TACR3: variants seen among roughly 807,000 people sequenced by gnomAD.
TACR3 encodes the protein neuromedin-K receptor.
In TACR3, 34 loss-of-function variants were observed where a neutral mutation model predicts 35.0. The observed-to-expected ratio is 0.97, with a 90% CI of 0.74 to 1.30. The LOEUF (loss-of-function observed/expected upper bound fraction) is 1.30, where lower values mean the gene tolerates loss of function less well. Among genes scored for constraint, TACR3 ranks in the 50% most tolerant of loss-of-function variants. The probability of loss-of-function intolerance (pLI) is 0.00; values close to 1 mark genes in which losing one functional copy is unlikely to be tolerated. For synonymous variants in TACR3, 233 were observed against 221.1 expected, an observed-to-expected ratio of 1.05 and a Z score of -0.48; for missense variants, 558 against 591.7, an observed-to-expected ratio of 0.94 and a Z score of 0.59.
intron 2 of TACR3, among the ~76,000 whole-genome samples, chr4:103,657,097 A>C (rs1394767324): frequency 6.6e-6 from 1 of 152,138 alleles, no homozygotes; most frequent in Non-Finnish European, 1.5e-5. Flanking sequence ...AAAGGAGAGT[A>C]AGCCATACTA....
At chr4:103,673,061 C>A (rs1317448112) in intron 1 of TACR3, among the ~76,000 whole-genome samples, 1 of 152,156 alleles carries the variant, frequency 6.6e-6, no homozygotes, top group East Asian at 1.9e-4. Flanking sequence ...TTGAAAAGAG[C>A]TAGATCCTTG....
intron 3 of TACR3, among the ~76,000 whole-genome samples, chr4:103,645,735 A>G (rs1725444320): frequency 2.0e-5 from 3 of 152,026 alleles, no homozygotes; most frequent in South Asian, 4.1e-4. Flanking sequence ...GCAAATATCC[A>G]TATGAACTAA....
At chr4:103,684,769 G>T (rs555070965) in intron 1 of TACR3, among the ~76,000 whole-genome samples, 1 of 152,134 alleles carries the variant, frequency 6.6e-6, no homozygotes, top group Admixed American at 6.6e-5. Context: ...TTGGGGGGCT[G>T]AGGTGGGAGG....
intron 1 of TACR3, among the ~76,000 whole-genome samples, chr4:103,666,581 T>C (rs1725940779): frequency 6.6e-6 from 1 of 152,204 alleles, no homozygotes; most frequent in Non-Finnish European, 1.5e-5. Flanking sequence ...ATATAACTCA[T>C]TTAATACTAA....
At chr4:103,634,353 G>A (rs1266203253) in intron 3 of TACR3, among the ~76,000 whole-genome samples, 2 of 152,022 alleles carry the variant, frequency 1.3e-5, no homozygotes, top group Non-Finnish European at 2.9e-5. Context: ...GTCTGACTTG[G>A]CCTCCAGGAG....
intron 1 of TACR3, among the ~76,000 whole-genome samples, chr4:103,691,994 C>T (rs570561040): frequency 1.3e-5 from 2 of 152,272 alleles, no homozygotes; most frequent in South Asian, 4.1e-4. Context: ...CCCCTGATTT[C>T]CCACTTCACA....
At chr4:103,651,720 C>T (rs927157257) in intron 3 of TACR3, among the ~76,000 whole-genome samples, 1 of 152,164 alleles carries the variant, frequency 6.6e-6, no homozygotes, top group Non-Finnish European at 1.5e-5. Context: ...GCTAGCATGT[C>T]TCAGGCTCAC....
chr4:103,676,597 G>C (rs915632778), intron 1 of TACR3, among the ~76,000 whole-genome samples: 4 of 152,138 alleles, frequency 2.6e-5, no homozygotes, highest in African/African-American at 9.7e-5. Flanking sequence ...AGACAAACCT[G>C]ATAAAAACAA....
intron 1 of TACR3, among the ~76,000 whole-genome samples, chr4:103,665,333 T>C: frequency 7.0e-6 from 1 of 143,714 alleles, no homozygotes. Context: ...ATATTATCTG[T>C]CAAGAAACAA....
chr4:103,695,426 T>C (rs963568021), intron 1 of TACR3, among the ~76,000 whole-genome samples: 4 of 152,174 alleles, frequency 2.6e-5, no homozygotes, highest in African/African-American at 4.8e-5. Flanking sequence ...ACCTGTATGA[T>C]GATCCACTTT....
chr4:103,602,174 G>T (rs959206871), intron 3 of TACR3, among the ~76,000 whole-genome samples: 3 of 151,858 alleles, frequency 2.0e-5, no homozygotes, highest in Non-Finnish European at 2.9e-5. Context: ...CCAGTTGATC[G>T]CATCGGCTAC....
At chr4:103,604,109 C>T (rs7680834) in intron 3 of TACR3, among the ~76,000 whole-genome samples, 49 of 152,182 alleles carry the variant, frequency 3.2e-4, no homozygotes, top group African/African-American at 7.2e-4. Context: ...AGAACAAAGC[C>T]GGAGGCATCA....
chr4:103,654,708 TAA>T (rs373382329), intron 3 of TACR3, among the ~76,000 whole-genome samples: 2 of 146,738 alleles, frequency 1.4e-5, no homozygotes, highest in African/African-American at 5.0e-5. Flanking sequence ...ATAATAAAAT[TAA>T]AAAAAAAAGA....
At position 103,615,396 on chromosome 4, in the gene TACR3, TGTGA is replaced by T. The variant is rs1445161888; in HGVS notation, c.889-23717_889-23714del. Among the ~76,000 whole-genome samples the T allele has an allele frequency of 7.1e-3, 871 of 122,556 alleles. 4 individuals carry two copies. Among genetic ancestry groups the T allele is most frequent in the African/African-American group, 0.015 (438 of 28,424 alleles). The allele number at this position is 122,556 out of a possible 152,430, so 80.4% of individuals were successfully genotyped here. ...GCTATCGTGTGTGTGTGTGTGTGTG[TGTGA>T]GAGAGAGAGAGAGAGAGAGAGAGAG... On this transcript the variant is annotated intron_variant, in intron 3 of 4. Transcript: ENST00000304883.
At chr4:103,640,682 G>A (rs1310732971) in intron 3 of TACR3, among the ~76,000 whole-genome samples, 1 of 151,844 alleles carries the variant, frequency 6.6e-6, no homozygotes, top group African/African-American at 2.4e-5. Flanking sequence ...GGCCCAGGAT[G>A]GCTTTGAATG....
intron 3 of TACR3, among the ~76,000 whole-genome samples, chr4:103,651,314 G>T (rs575198189): frequency 4.5e-4 from 68 of 151,092 alleles, no homozygotes; most frequent in Admixed American, 3.8e-3. Context: ...AGAATCAGTT[G>T]TTTCCCCTCT....
chr4:103,680,512 C>CATATAT (rs397932964), intron 1 of TACR3, among the ~76,000 whole-genome samples: 3,512 of 146,018 alleles, frequency 0.024, 151 homozygotes, highest in African/African-American at 0.085. Context: ...CACACACACA[C>CATATAT]ATATATATAT....
intron 2 of TACR3, among the ~76,000 whole-genome samples, chr4:103,657,360 T>G (rs1725752364): frequency 6.6e-6 from 1 of 152,052 alleles, no homozygotes. Flanking sequence ...GATAACATTA[T>G]CATACAATTA....
At chr4:103,640,325 A>G (rs751367088) in intron 3 of TACR3, among the ~76,000 whole-genome samples, 2 of 152,036 alleles carry the variant, frequency 1.3e-5, no homozygotes, top group Admixed American at 1.3e-4. Flanking sequence ...TTGGCAAAGG[A>G]AATCTTACTT....
Sources: allele counts gnomAD v4.1 joint callset (sites outside exome capture counted in the v4.1 genomes callset), GRCh38; gene constraint gnomAD v4.1.1; transcripts MANE v1.5; gene names NCBI Gene and HGNC (gene_info 2026-07-23, HGNC 2026-07-21).